SOX4: variants seen among roughly 807,000 people sequenced by gnomAD.
SOX4 encodes SRY-box transcription factor 4.
For missense variants in SOX4, 662 were observed against 694.9 expected, an observed-to-expected ratio of 0.95 and a Z score of 0.53; for synonymous variants, 465 against 348.4, an observed-to-expected ratio of 1.33 and a Z score of -3.73.
In SOX4 at chr6:21,596,109, C is replaced by T. The variant is rs575573467; in HGVS notation, c.*150C>T. ...GCAGGGCTGGCTTCGCCCGCGTTCT[C>T]GTCGTCGGATCAAGGAGCGCGGCGG... On this transcript the variant is annotated 3_prime_UTR_variant, in exon 1 of 1. Transcript: ENST00000244745. 1.2e-5 allele frequency: 16 copies of T among 1,290,982 alleles called. No individual in the cohort carries two copies. The highest frequency in any genetic ancestry group is 8.9e-5 in the East Asian group (3 of 33,570). The allele number at this position is 1,290,982 out of a possible 1,614,324, so 80.0% of individuals were successfully genotyped here.
At position 21,595,344 on chromosome 6, in the gene SOX4, C is replaced by CGCCTCCTCGGCAGCCTCG; in HGVS notation, c.817_834dup (p.Ser273_Ser278dup). On this transcript the variant is annotated inframe_insertion, in exon 1 of 1. Coordinates refer to ENST00000244745, the MANE Select transcript of SOX4 (RefSeq NM_003107.3). ...CGCGGACTCCCAGCGCCTCGGCCTC[C>CGCCTCCTCGGCAGCCTCG]GCCTCCTCGGCAGCCTCGGCCTCCG... 2.0e-6 allele frequency: 3 copies of CGCCTCCTCGGCAGCCTCG among 1,510,818 alleles called. No homozygotes were observed. Among genetic ancestry groups the CGCCTCCTCGGCAGCCTCG allele is most frequent in the Non-Finnish European group, 2.6e-6 (3 of 1,137,876 alleles). The allele number at this position is 1,510,818 out of a possible 1,614,324, so 93.6% of individuals were successfully genotyped here.
chr6:21,594,645 C>T lies in SOX4; in HGVS notation c.111C>T (p.Gly37=). 1 of 1,601,992 alleles carries T rather than the reference C, an allele frequency of 6.2e-7. No individual in the cohort carries two copies. The highest frequency in any genetic ancestry group is 8.5e-7 in the Non-Finnish European group (1 of 1,175,164). The stretch of plus-strand genomic sequence containing the variant: ...GAATCGCCTCCTCCCCCACGCCCGG[C>T]TCCACCGCCTCCACGGGCGGCAAGG... The part of the protein sequence containing the change: ...ELGIASSPTP[G]STASTGGKAD... The change falls in exon 1 of 1, where the codon GGC becomes GGT. Residue 37 remains glycine (G), a synonymous_variant. Coordinates refer to ENST00000244745, the MANE Select transcript of SOX4 (RefSeq NM_003107.3).
In SOX4 at chr6:21,597,035, G is replaced by C. The variant is rs1353467538; in HGVS notation, c.*1076G>C. The C allele has an allele frequency of 6.0e-6, 1 of 166,794 alleles. No homozygotes were observed. Among genetic ancestry groups the C allele is most frequent in the African/African-American group, 2.4e-5 (1 of 41,410 alleles). The allele number at this position is 166,794 out of a possible 1,614,324, so 10.3% of individuals were successfully genotyped here. On this transcript the variant is annotated 3_prime_UTR_variant, in exon 1 of 1. Coordinates refer to ENST00000244745, the MANE Select transcript of SOX4 (RefSeq NM_003107.3). Reference sequence around the variant, plus strand: ...TCTTCTCTTAATCGGAATCGTGATGGTGTTGGATTATTTCAATGGTGGGGT... The same window carrying C: ...TCTTCTCTTAATCGGAATCGTGATGCTGTTGGATTATTTCAATGGTGGGGT...
chr6:21,595,203 C>G lies in SOX4; in HGVS notation c.669C>G (p.Gly223=). 8.4e-7 allele frequency: 1 copy of G among 1,194,126 alleles called. No individual in the cohort carries two copies. Among genetic ancestry groups the G allele is most frequent in the East Asian group, 3.7e-5 (1 of 26,860 alleles). The allele number at this position is 1,194,126 out of a possible 1,614,324, so 74.0% of individuals were successfully genotyped here. A position where few individuals can be genotyped will look rare whatever the true frequency, so the allele number is the denominator to read the frequency against. The change falls in exon 1 of 1, where the codon GGC becomes GGG. Residue 223 remains glycine (G), a synonymous_variant. Transcript: ENST00000244745. The stretch of plus-strand genomic sequence containing the variant: ...ACGCCAAGCTCATCCTGGCAGGCGG[C>G]GGCGGCGGCGGGAAAGCAGCGGCTG... ...KPHAKLILAG[G]GGGGKAAAAA... is the part of the protein sequence containing the mutation.
chr6:21,598,410 C>G lies in SOX4; in HGVS notation c.*2451C>G, dbSNP rs994604125. On this transcript the variant is annotated 3_prime_UTR_variant, in exon 1 of 1. Transcript: ENST00000244745. ...TCCGTTAAGGGTTTTTGTTTTTAAA[C>G]TTTTTTTTGCCATCCATCCTGTGCA... 4.8e-5 allele frequency: 8 copies of G among 166,736 alleles called. No homozygotes were observed. Among genetic ancestry groups the G allele is most frequent in the African/African-American group, 1.7e-4 (7 of 41,360 alleles). 10.3% of individuals were successfully genotyped at this position (166,736 alleles called of 1,614,324 possible).
rs1197485013 is a variant in SOX4 at position 21,594,380 on chromosome 6, C to T, written c.-155C>T. The T allele has an allele frequency of 3.2e-6, 3 of 942,066 alleles. No homozygotes were observed. Among genetic ancestry groups the T allele is most frequent in the East Asian group, 3.4e-5 (1 of 29,506 alleles). The allele number at this position is 942,066 out of a possible 1,614,324, so 58.4% of individuals were successfully genotyped here. ...TGGGGACTTTTCTCTCTTTACCCAC[C>T]TCCGCCCCTGCGAGGAGTTGAGGGG... On this transcript the variant is annotated 5_prime_UTR_variant, in exon 1 of 1. Transcript: ENST00000244745.
Position 21,594,493 on chromosome 6 carries a change from G to A in SOX4, c.-42G>A, listed in dbSNP as rs2113556759. On this transcript the variant is annotated 5_prime_UTR_variant, in exon 1 of 1. Transcript: ENST00000244745. ...GCCCGGCGATCGCGCGGCGGCCGCCGCGAGGGTGTGAGCGCGCGTGGGCGC... is the reference window on the plus strand; with the variant it reads ...GCCCGGCGATCGCGCGGCGGCCGCCACGAGGGTGTGAGCGCGCGTGGGCGC... 3 of 1,388,534 alleles carry A rather than the reference G, an allele frequency of 2.2e-6. No individual in the cohort carries two copies. The highest frequency in any genetic ancestry group is 5.9e-5 in the East Asian group (2 of 33,660). 86.0% of individuals were successfully genotyped at this position (1,388,534 alleles called of 1,614,324 possible).
Position 21,594,485 on chromosome 6 carries a change from CG to C in SOX4, c.-48del, listed in dbSNP as rs1413286779. ...CCGGGAGGGCCCGGCGATCGCGCGG[CG>C]GCCGCCGCGAGGGTGTGAGCGCGCG... On this transcript the variant is annotated 5_prime_UTR_variant, in exon 1 of 1. Transcript: ENST00000244745. 7.4e-7 allele frequency: 1 copy of C among 1,358,642 alleles called. No homozygotes were observed. Among genetic ancestry groups the C allele is most frequent in the Non-Finnish European group, 9.4e-7 (1 of 1,063,482 alleles). 84.2% of individuals were successfully genotyped at this position (1,358,642 alleles called of 1,614,324 possible).
rs1763170712 is a variant in SOX4, at chr6:21,596,681, G to T, written c.*722G>T. ...AGGAGATGTTGAGGGGAGGAGGCCA[G>T]CCAGTGTGACCGGCGCTAGGAAATG... is the stretch of plus-strand genomic sequence containing the variant. On this transcript the variant is annotated 3_prime_UTR_variant, in exon 1 of 1. Transcript: ENST00000244745. 2.4e-5 allele frequency: 4 copies of T among 167,226 alleles called. No homozygotes were observed. 10.4% of individuals were successfully genotyped at this position (167,226 alleles called of 1,614,324 possible). A position where few individuals can be genotyped will look rare whatever the true frequency, so the allele number is the denominator to read the frequency against.
rs752846533 is a variant in SOX4, at chr6:21,596,000, A to G, written c.*41A>G. ...GGAGAAGGGCCGGGGGGGGTAGGAG[A>G]GGAGAAAAAAAAAGTGAAAAAAAGA... is the stretch of plus-strand genomic sequence containing the variant. On this transcript the variant is annotated 3_prime_UTR_variant, in exon 1 of 1. Coordinates refer to ENST00000244745, the MANE Select transcript of SOX4 (RefSeq NM_003107.3). 13 of 1,444,920 alleles carry G rather than the reference A, an allele frequency of 9.0e-6. No homozygotes were observed. In the South Asian group the frequency reaches 1.9e-4, roughly 21 times the overall value. The allele number at this position is 1,444,920 out of a possible 1,614,324, so 89.5% of individuals were successfully genotyped here.
At position 21,595,418 on chromosome 6, in the gene SOX4, G is replaced by T. The variant is rs775237479; in HGVS notation, c.884G>T (p.Arg295Leu). The T allele has an allele frequency of 6.5e-7, 1 of 1,527,576 alleles. No homozygotes were observed. The highest frequency in any genetic ancestry group is 1.7e-4 in the Middle Eastern group (1 of 5,780). The allele number at this position is 1,527,576 out of a possible 1,614,324, so 94.6% of individuals were successfully genotyped here. ...CACCTGGCGGAGAAGAAGGTGAAGCGCGTCTACCTGTTCGGCGGCCTGGGC... is the reference window on the plus strand; with the variant it reads ...CACCTGGCGGAGAAGAAGGTGAAGCTCGTCTACCTGTTCGGCGGCCTGGGC... ...GKHLAEKKVKRVYLFGGLGTS... is the reference protein window; with the variant it reads ...GKHLAEKKVKLVYLFGGLGTS... Residue 295 changes from arginine to leucine, a missense_variant, in exon 1 of 1, where the codon CGC (arginine) becomes CTC (leucine). Transcript: ENST00000244745.
Position 21,596,882 on chromosome 6 carries a change from TC to T in SOX4, c.*926del, listed in dbSNP as rs1763177624. 1 of 164,708 alleles carries T rather than the reference TC, an allele frequency of 6.1e-6. No individual in the cohort carries two copies. The highest frequency in any genetic ancestry group is 2.0e-4 in the East Asian group (1 of 5,120). The allele number at this position is 164,708 out of a possible 1,614,324, so 10.2% of individuals were successfully genotyped here. ...TACGTGAAATCAGTGAGGTGAGACT[TC>T]CCAGACCCCGGAGGCGTGGAGGAGA... On this transcript the variant is annotated 3_prime_UTR_variant, in exon 1 of 1. Transcript: ENST00000244745.
Position 21,595,439 on chromosome 6 carries a change from TG to T in SOX4, c.908del (p.Gly303AlafsTer37). On this transcript the variant is annotated frameshift_variant, in exon 1 of 1. Coordinates refer to ENST00000244745, the MANE Select transcript of SOX4 (RefSeq NM_003107.3). LOFTEE classifies it low-confidence loss of function (END_TRUNC). ...KVKRVYLFGGLGTSSSPVGGV... is the reference protein window; with the variant it reads ...KVKRVYLFGGXGTSSSPVGGV... The stretch of plus-strand genomic sequence containing the variant: ...AAGCGCGTCTACCTGTTCGGCGGCC[TG>T]GGCACGTCGTCGTCGCCCGTGGGCG... 1 of 1,513,822 alleles carries T rather than the reference TG, an allele frequency of 6.6e-7. No individual in the cohort carries two copies. The highest frequency in any genetic ancestry group is 2.0e-5 in the Admixed American group (1 of 49,340). 93.8% of individuals were successfully genotyped at this position (1,513,822 alleles called of 1,614,324 possible). A position where few individuals can be genotyped will look rare whatever the true frequency, so the allele number is the denominator to read the frequency against.
In SOX4 at chr6:21,595,155, G is replaced by A; in HGVS notation, c.621G>A (p.Ala207=). The A allele has an allele frequency of 1.5e-6, 2 of 1,338,270 alleles. No individual in the cohort carries two copies. The highest frequency in any genetic ancestry group is 9.5e-7 in the Non-Finnish European group (1 of 1,053,420). The allele number at this position is 1,338,270 out of a possible 1,614,324, so 82.9% of individuals were successfully genotyped here. The change falls in exon 1 of 1, where the codon GCG becomes GCA. Residue 207 remains alanine, a synonymous_variant. Transcript: ENST00000244745. ...GCGGCTCCAAAGTGGCGGGCGGCGC[G>A]GGCGGTGGGGTTAGCAAACCGCACG... ...KSCGSKVAGG[A]GGGVSKPHAK... is the part of the protein sequence containing the mutation.
At position 21,595,272 on chromosome 6, in the gene SOX4, C is replaced by T; in HGVS notation, c.738C>T (p.Ala246=). 2.2e-6 allele frequency: 3 copies of T among 1,353,638 alleles called. No homozygotes were observed. The highest frequency in any genetic ancestry group is 2.8e-6 in the Non-Finnish European group (3 of 1,054,032). The allele number at this position is 1,353,638 out of a possible 1,614,324, so 83.9% of individuals were successfully genotyped here. A position where few individuals can be genotyped will look rare whatever the true frequency, so the allele number is the denominator to read the frequency against. ...SFAAEQAGAA[A]LLPLGAAADH... ...CCGCCGAACAGGCGGGGGCCGCCGC[C>T]CTGCTGCCCCTGGGCGCCGCCGCCG... Residue 246 remains alanine (A), a synonymous_variant, in exon 1 of 1, where the codon GCC becomes GCT. Coordinates refer to ENST00000244745, the MANE Select transcript of SOX4 (RefSeq NM_003107.3).
rs1224898612 is a variant in SOX4, at chr6:21,595,503, C to T, written c.969C>T (p.Gly323=). The change falls in exon 1 of 1, where the codon GGC becomes GGT. Residue 323 remains glycine (G), a synonymous_variant. Coordinates refer to ENST00000244745, the MANE Select transcript of SOX4 (RefSeq NM_003107.3). ...GAGADPSDPL[G]LYEEEGAGCS... The stretch of plus-strand genomic sequence containing the variant: ...GAGCCGACCCCAGCGACCCCCTGGG[C>T]CTGTACGAGGAGGAGGGCGCGGGCT... The T allele has an allele frequency of 1.5e-6, 2 of 1,337,456 alleles. No individual in the cohort carries two copies. The highest frequency in any genetic ancestry group is 3.5e-5 in the Admixed American group (1 of 28,612). 82.8% of individuals were successfully genotyped at this position (1,337,456 alleles called of 1,614,324 possible).
At position 21,595,917 on chromosome 6, in the gene SOX4, C is replaced by G. The variant is rs1421210221; in HGVS notation, c.1383C>G (p.Asp461Glu). The change falls in exon 1 of 1, where the codon GAC becomes GAG. Residue 461 changes from aspartate to glutamate, a missense_variant. Transcript: ENST00000244745. ...TPEVSEMISG[D>E]WLESSISNLV... ...AGGTGAGCGAGATGATCTCGGGAGA[C>G]TGGCTCGAGTCCAGCATCTCCAACC... 7.6e-6 allele frequency: 12 copies of G among 1,588,560 alleles called. No individual in the cohort carries two copies. Among genetic ancestry groups the G allele is most frequent in the Non-Finnish European group, 1.0e-5 (12 of 1,168,112 alleles).
rs1214278575 is a variant in SOX4, at chr6:21,597,444, T to C, written c.*1485T>C. The C allele has an allele frequency of 2.4e-5, 4 of 165,760 alleles. No individual in the cohort carries two copies. 10.3% of individuals were successfully genotyped at this position (165,760 alleles called of 1,614,324 possible). On this transcript the variant is annotated 3_prime_UTR_variant, in exon 1 of 1. Transcript: ENST00000244745. The stretch of plus-strand genomic sequence containing the variant: ...TACTGGCCAAACATATTTTTTCTTT[T>C]GTCCCTTTTTTTCTTTCCTTTCTTT...
chr6:21,595,721 C>G lies in SOX4; in HGVS notation c.1187C>G (p.Ser396Cys), dbSNP rs370939891. 4 of 1,610,368 alleles carry G rather than the reference C, an allele frequency of 2.5e-6. No homozygotes were observed. The South Asian group carries it at 4.4e-5, about 18-fold the overall frequency. The change falls in exon 1 of 1, where the codon TCC becomes TGC. Residue 396 changes from serine to cysteine, a missense_variant. Physicochemically the swap from Ser to Cys is moderately radical, Grantham distance 112 (BLOSUM62 -1). Coordinates refer to ENST00000244745, the MANE Select transcript of SOX4 (RefSeq NM_003107.3). ...TCTTCCTCCTCCTCGGGCTCCTCGT[C>G]CTCCGACGACGAGTTCGAAGACGAC... Reference protein sequence around the residue: ...SSSSSSSGSSSSDDEFEDDLL... With the variant: ...SSSSSSSGSSCSDDEFEDDLL...
Sources: allele counts gnomAD v4.1 joint callset, GRCh38; gene constraint gnomAD v4.1.1; transcripts MANE v1.5; gene names NCBI Gene and HGNC (gene_info 2026-07-23, HGNC 2026-07-21).